SOCS6: variants seen among roughly 807,000 people sequenced by gnomAD.
SOCS6 encodes the protein suppressor of cytokine signaling 6.
Under a neutral mutation model 27.7 loss-of-function variants are expected in SOCS6, and 5 were observed. The observed-to-expected ratio is 0.18, with a 90% confidence interval of 0.09 to 0.38. The LOEUF is 0.38. Ranked by LOEUF, SOCS6 falls within the 10% of genes least tolerant of loss-of-function variation. The probability of loss-of-function intolerance (pLI) is 1.00; values close to 1 mark genes in which losing one functional copy is unlikely to be tolerated. For synonymous variants in SOCS6, 271 were observed against 260.0 expected (o/e 1.04, Z -0.41); for missense variants, 595 against 688.1 (o/e 0.86, Z 1.51).
intron 1 of SOCS6, among the ~76,000 whole-genome samples, chr18:70,320,759 A>G (rs1466423667): frequency 1.3e-5 from 2 of 152,196 alleles, no homozygotes; most frequent in Non-Finnish European, 2.9e-5. Flanking sequence ...GGTTTCAGGA[A>G]TCCACAGGGG....
chr18:70,304,471 A>G (rs2062361116), intron 1 of SOCS6, among the ~76,000 whole-genome samples: 1 of 152,048 alleles, frequency 6.6e-6, no homozygotes, highest in Non-Finnish European at 1.5e-5. Context: ...TCCCTTTGTC[A>G]TGATATTGTC....
In SOCS6 at chr18:70,300,783, T is replaced by G. The variant is rs41444247; in HGVS notation, c.-127+11693T>G. Among the ~76,000 whole-genome samples, 376 of 152,346 alleles carry G rather than the reference T, an allele frequency of 2.5e-3. 1 individual carries two copies. Among genetic ancestry groups the G allele is most frequent in the Non-Finnish European group, 3.9e-3 (265 of 68,038 alleles). On this transcript the variant is annotated intron_variant, in intron 1 of 1. Transcript: ENST00000397942. The stretch of plus-strand genomic sequence containing the variant: ...AGGAGTGAATCACTTGAAAATTTAT[T>G]AGAACTTTTGTTGTAAATATAAATT...
Position 70,329,858 on chromosome 18 carries a change from A to G in SOCS6, c.*3582A>G, listed in dbSNP as rs1490262913. The G allele has an allele frequency of 6.0e-6, 1 of 166,980 alleles. No individual in the cohort carries two copies. Among genetic ancestry groups the G allele is most frequent in the Non-Finnish European group, 1.5e-5 (1 of 68,094 alleles). 10.3% of individuals were successfully genotyped at this position (166,980 alleles called of 1,614,324 possible). On this transcript the variant is annotated 3_prime_UTR_variant, in exon 2 of 2. Coordinates refer to ENST00000397942, the MANE Select transcript of SOCS6 (RefSeq NM_004232.4). ...TTGCTGTTTCTGAAAAGTGATCCAA[A>G]CTCTACATCCAGAGATTATGAAAAA... is the stretch of plus-strand genomic sequence containing the variant.
At position 70,327,168 on chromosome 18, in the gene SOCS6, T is replaced by A. The variant is rs1911240570; in HGVS notation, c.*892T>A. 1 of 167,000 alleles carries A rather than the reference T, an allele frequency of 6.0e-6. No homozygotes were observed. Among genetic ancestry groups the A allele is most frequent in the South Asian group, 2.1e-4 (1 of 4,832 alleles). The allele number at this position is 167,000 out of a possible 1,614,324, so 10.3% of individuals were successfully genotyped here. A position where few individuals can be genotyped will look rare whatever the true frequency, so the allele number is the denominator to read the frequency against. On this transcript the variant is annotated 3_prime_UTR_variant, in exon 2 of 2. Coordinates refer to ENST00000397942, the MANE Select transcript of SOCS6 (RefSeq NM_004232.4). ...TGTGTTACCTATCCTTTTGGTAAAA[T>A]GTTTTATCTGTGATTTCTTTAGCTT...
rs756669621 is a variant in SOCS6 at position 70,301,300 on chromosome 18, G to A, written c.-127+12210G>A. 5.6e-4 allele frequency among the ~76,000 whole-genome samples: 85 copies of A among 152,204 alleles called. 2 individuals are homozygous for A. Among genetic ancestry groups the A allele is most frequent in the Non-Finnish European group, 1.8e-4 (12 of 68,036 alleles). On this transcript the variant is annotated intron_variant, in intron 1 of 1. Transcript: ENST00000397942. ...ATTAGGAGGTATTGCCATAATGCAG[G>A]AGAAAGAGGATGGTAGCTTGGACTA...
intron 1 of SOCS6, among the ~76,000 whole-genome samples, chr18:70,301,999 G>C (rs1030798781): frequency 3.9e-5 from 6 of 152,204 alleles, no homozygotes; most frequent in Non-Finnish European, 8.8e-5. Context: ...GGCATCAGTA[G>C]ACTCAGTTCT....
chr18:70,302,981 C>T (rs1327362208), intron 1 of SOCS6, among the ~76,000 whole-genome samples: 1 of 151,720 alleles, frequency 6.6e-6, no homozygotes, highest in African/African-American at 2.4e-5. Flanking sequence ...AATGGATTTA[C>T]TCAACCATTT....
chr18:70,309,851 T>G (rs1489508327), intron 1 of SOCS6, among the ~76,000 whole-genome samples: 1 of 152,082 alleles, frequency 6.6e-6, no homozygotes, highest in Non-Finnish European at 1.5e-5. Context: ...ACGCAGCTAA[T>G]TGTTTTGTGT....
At chr18:70,320,090 C>T (rs1303567983) in intron 1 of SOCS6, among the ~76,000 whole-genome samples, 1 of 151,836 alleles carries the variant, frequency 6.6e-6, no homozygotes, top group African/African-American at 2.4e-5. Context: ...TTCCTGGGCT[C>T]AAGTGATTCT....
At chr18:70,315,904 T>A (rs2062409411) in intron 1 of SOCS6, among the ~76,000 whole-genome samples, 1 of 152,044 alleles carries the variant, frequency 6.6e-6, no homozygotes, top group African/African-American at 2.4e-5. Context: ...GAGTTTCGCT[T>A]TTGTTGCCCA....
rs553521218 is a variant in SOCS6, at chr18:70,329,952, A to G, written c.*3676A>G. 6.0e-5 allele frequency: 10 copies of G among 167,206 alleles called. No homozygotes were observed. The South Asian group carries it at 2.1e-3, about 35-fold the overall frequency. 10.4% of individuals were successfully genotyped at this position (167,206 alleles called of 1,614,324 possible). A position where few individuals can be genotyped will look rare whatever the true frequency, so the allele number is the denominator to read the frequency against. ...GAAATTTCATAGTCGTTGGAGTGCC[A>G]TGAAATTAATACTTGCAATTCAGAT... On this transcript the variant is annotated 3_prime_UTR_variant, in exon 2 of 2. Transcript: ENST00000397942.
intron 1 of SOCS6, among the ~76,000 whole-genome samples, chr18:70,290,392 T>C (rs1229636573): frequency 6.6e-6 from 1 of 152,230 alleles, no homozygotes; most frequent in Non-Finnish European, 1.5e-5. Flanking sequence ...CGAATCTTAA[T>C]TGTAATATTT....
intron 1 of SOCS6, among the ~76,000 whole-genome samples, chr18:70,313,274 G>A (rs560885104): frequency 9.2e-5 from 14 of 152,068 alleles, no homozygotes; most frequent in African/African-American, 3.4e-4. Flanking sequence ...TTCTCTTACT[G>A]ATTTCTAACA....
At chr18:70,293,920 G>A (rs907196876) in intron 1 of SOCS6, among the ~76,000 whole-genome samples, 5 of 151,892 alleles carry the variant, frequency 3.3e-5, no homozygotes, top group East Asian at 1.9e-4. Context: ...GTGAAACCCC[G>A]TCTCTACTAA....
Position 70,311,653 on chromosome 18 carries a change from A to T in SOCS6, c.-126-12890A>T, listed in dbSNP as rs1477036133. On this transcript the variant is annotated intron_variant, in intron 1 of 1. Coordinates refer to ENST00000397942, the MANE Select transcript of SOCS6 (RefSeq NM_004232.4). The stretch of plus-strand genomic sequence containing the variant: ...GTTCACTAGAGATGTAATCGCTGTT[A>T]CTTGTATATATTTTGAAACATTTAC... Among the ~76,000 whole-genome samples the T allele has an allele frequency of 7.2e-5, 11 of 152,326 alleles. No homozygotes were observed. The South Asian group carries it at 2.3e-3, about 32-fold the overall frequency.
Position 70,325,012 on chromosome 18 carries a change from A to G in SOCS6, c.344A>G (p.Asp115Gly). 3 of 1,614,094 alleles carry G rather than the reference A, an allele frequency of 1.9e-6. No homozygotes were observed. The highest frequency in any genetic ancestry group is 2.5e-6 in the Non-Finnish European group (3 of 1,180,006). The change falls in exon 2 of 2, where the codon GAC (aspartate) becomes GGC (glycine). Residue 115 changes from aspartate (D) to glycine (G), a missense_variant. By Grantham distance (94) the Asp-to-Gly change is moderately conservative (BLOSUM62 -1). Coordinates refer to ENST00000397942, the MANE Select transcript of SOCS6 (RefSeq NM_004232.4). This position sits in a 1 kb window ranked among gnomAD's most constrained non-coding sequence, Gnocchi z 6.3. ...SSSSAPIVFK[D>G]VRAQRPIRST... is the part of the protein sequence containing the mutation. ...TCCTCAGCACCCATAGTCTTTAAAG[A>G]CGTGAGAGCTCAGAGGCCGATAAGG...
chr18:70,310,392 C>T (rs571063359), intron 1 of SOCS6, among the ~76,000 whole-genome samples: 1 of 151,782 alleles, frequency 6.6e-6, no homozygotes, highest in Non-Finnish European at 1.5e-5. Flanking sequence ...GGTGATCCTC[C>T]CACCTCAGCC....
intron 1 of SOCS6, among the ~76,000 whole-genome samples, chr18:70,302,912 T>A (rs2062354737): frequency 6.6e-6 from 1 of 152,194 alleles, no homozygotes; most frequent in Non-Finnish European, 1.5e-5. Flanking sequence ...ATCTTTTGAT[T>A]TATTTTTTGT....
chr18:70,325,969 A>C lies in SOCS6; in HGVS notation c.1301A>C (p.Glu434Ala). Reference sequence around the variant, plus strand: ...GGTAAAACACTTCACACTAGAATTGAGCACTCAAATGGTAGGTTTAGCTTT... The same window carrying C: ...GGTAAAACACTTCACACTAGAATTGCGCACTCAAATGGTAGGTTTAGCTTT... Reference protein sequence around the residue: ...SHGKTLHTRIEHSNGRFSFYE... With the variant: ...SHGKTLHTRIAHSNGRFSFYE... Residue 434 changes from glutamate (E) to alanine (A), a missense_variant, in exon 2 of 2, where the codon GAG becomes GCG. Glu to Ala is a moderately radical substitution (Grantham distance 107). Transcript: ENST00000397942. The surrounding 1 kb of genome is among the most constrained non-coding windows in gnomAD (Gnocchi z 6.3). 1 of 1,614,268 alleles carries C rather than the reference A, an allele frequency of 6.2e-7. No individual in the cohort carries two copies. Among genetic ancestry groups the C allele is most frequent in the Non-Finnish European group, 8.5e-7 (1 of 1,180,042 alleles).
Sources: allele counts gnomAD v4.1 joint callset (sites outside exome capture counted in the v4.1 genomes callset), GRCh38; gene constraint gnomAD v4.1.1; non-coding constraint Gnocchi (gnomAD v3.1); transcripts MANE v1.5; gene names NCBI Gene and HGNC (gene_info 2026-07-23, HGNC 2026-07-21).